Variants in ATP8A1 observed in about 807,000 individuals in gnomAD.
The protein encoded by ATP8A1 is ATPase phospholipid transporting 8A1, also known as phospholipid-transporting ATPase IA.
In ATP8A1, 90 loss-of-function variants were observed where a neutral mutation model predicts 177.7. The ratio of observed to expected loss-of-function variants is 0.51; its 90% CI spans 0.43 to 0.60. The LOEUF is 0.60. Ranked by LOEUF, ATP8A1 falls within the 20% of genes least tolerant of loss-of-function variation. The pLI is 0.00. For missense variants in ATP8A1, 1,072 were observed against 1,392.8 expected, an observed-to-expected ratio of 0.77 and a Z score of 3.67; for synonymous variants, 493 against 485.9, an observed-to-expected ratio of 1.01 and a Z score of -0.19.
rs370455582 is a variant in ATP8A1 at position 42,586,502 on chromosome 4, A to G, written c.595-26T>C. 4.4e-6 allele frequency: 7 copies of G among 1,607,274 alleles called. No individual in the cohort carries two copies. In the South Asian group the frequency reaches 7.8e-5, roughly 18 times the overall value. On this transcript the variant is annotated intron_variant, in intron 8 of 36. Coordinates refer to ENST00000381668, the MANE Select transcript of ATP8A1 (RefSeq NM_006095.2). The stretch of plus-strand genomic sequence containing the variant: ...CTGTTTGGAATTTTTAAATAAGCAA[A>G]AAGTATATTAAATAAGTTGTATCTG...
intron 35 of ATP8A1, among the ~76,000 whole-genome samples, chr4:42,419,362 A>G (rs553197143): frequency 1.3e-3 from 203 of 152,272 alleles, no homozygotes; most frequent in South Asian, 4.4e-3. Context: ...TAGTAGGGGG[A>G]AAATAAAAAC....
At chr4:42,496,126 T>C (rs1723245532) in intron 24 of ATP8A1, among the ~76,000 whole-genome samples, 1 of 152,174 alleles carries the variant, frequency 6.6e-6, no homozygotes, top group Admixed American at 6.6e-5. Context: ...AAATAAGTGC[T>C]TGCGAGGCAT....
intron 22 of ATP8A1, among the ~76,000 whole-genome samples, chr4:42,517,856 C>T (rs1264075880): frequency 6.6e-6 from 1 of 152,164 alleles, no homozygotes; most frequent in Non-Finnish European, 1.5e-5. Context: ...CCTAAATCCT[C>T]TCATCTCGAG....
chr4:42,567,715 G>A lies in ATP8A1; in HGVS notation c.1340+1446C>T, dbSNP rs374937178. Among the ~76,000 whole-genome samples, 77 of 152,266 alleles carry A rather than the reference G, an allele frequency of 5.1e-4. 1 individual carries two copies. In the South Asian group the frequency reaches 0.011, roughly 21 times the overall value. On this transcript the variant is annotated intron_variant, in intron 15 of 36. Transcript: ENST00000381668. Reference sequence around the variant, plus strand: ...GTTTAGAATATCAAGTTTTCCAAAAGGGTGTTTTACAAAAAGAACTTACTA... The same window carrying A: ...GTTTAGAATATCAAGTTTTCCAAAAAGGTGTTTTACAAAAAGAACTTACTA...
At chr4:42,445,608 C>T (rs951775789) in intron 31 of ATP8A1, among the ~76,000 whole-genome samples, 6 of 152,154 alleles carry the variant, frequency 3.9e-5, no homozygotes, top group African/African-American at 1.4e-4. Flanking sequence ...TACTTTAAGG[C>T]ACATTAAGGG....
rs375097074 is a variant in ATP8A1 at position 42,555,143 on chromosome 4, T to A, written c.1413+825A>T. On this transcript the variant is annotated intron_variant, in intron 16 of 36. Transcript: ENST00000381668. Reference sequence around the variant, plus strand: ...TATCTATCTATCTATCTATCTAATCTATCTATCTATCTATCTATCTATCTA... The same window carrying A: ...TATCTATCTATCTATCTATCTAATCAATCTATCTATCTATCTATCTATCTA... 4.0e-4 allele frequency among the ~76,000 whole-genome samples: 26 copies of A among 64,842 alleles called. No homozygotes were observed. In the East Asian group the frequency reaches 9.5e-3, roughly 24 times the overall value. 42.5% of individuals were successfully genotyped at this position (64,842 alleles called of 152,430 possible). A position where few individuals can be genotyped will look rare whatever the true frequency, so the allele number is the denominator to read the frequency against.
At chr4:42,542,285 T>A (rs1728471474) in intron 20 of ATP8A1, among the ~76,000 whole-genome samples, 1 of 152,120 alleles carries the variant, frequency 6.6e-6, no homozygotes, top group African/African-American at 2.4e-5. Context: ...AGTCCATCAT[T>A]TTTTATTTTT....
chr4:42,600,502 A>G lies in ATP8A1; in HGVS notation c.426T>C (p.Ala142=). The change falls in exon 6 of 37, where the codon GCT becomes GCC. Residue 142 remains alanine, a synonymous_variant. Coordinates refer to ENST00000381668, the MANE Select transcript of ATP8A1 (RefSeq NM_006095.2). The part of the protein sequence containing the change: ...KKQTQVLRNG[A]WEIVHWEKVA... ...CCTTTTCCCAGTGGACAATTTCCCAAGCACCATTTCTCAAAACTGGAAAGA... is the reference window on the plus strand; with the variant it reads ...CCTTTTCCCAGTGGACAATTTCCCAGGCACCATTTCTCAAAACTGGAAAGA... 1 of 1,610,118 alleles carries G rather than the reference A, an allele frequency of 6.2e-7. No homozygotes were observed. The highest frequency in any genetic ancestry group is 8.5e-7 in the Non-Finnish European group (1 of 1,178,648).
At chr4:42,580,300 A>G (rs879452669) in intron 10 of ATP8A1, among the ~76,000 whole-genome samples, 1 of 152,198 alleles carries the variant, frequency 6.6e-6, no homozygotes, top group Non-Finnish European at 1.5e-5. Context: ...TATGTAAGCA[A>G]ACAGGGTAGT....
intron 5 of ATP8A1, among the ~76,000 whole-genome samples, chr4:42,614,698 C>G (rs1459375230): frequency 2.0e-5 from 3 of 152,204 alleles, no homozygotes; most frequent in African/African-American, 7.2e-5. Flanking sequence ...AATTCAACCT[C>G]AGCCTACCTT....
At chr4:42,556,074 C>T (rs768686879) in intron 15 of ATP8A1, 34 bp from the exon 16 acceptor site, 1 of 1,449,338 alleles carries the variant, frequency 6.9e-7, no homozygotes, top group South Asian at 1.2e-5. Context: ...AAACCCAGTT[C>T]ATTTATACCA....
At chr4:42,655,160 C>A (rs1003039995) in intron 1 of ATP8A1, among the ~76,000 whole-genome samples, 1 of 152,206 alleles carries the variant, frequency 6.6e-6, no homozygotes, top group African/African-American at 2.4e-5. Context: ...GCTCTTAATC[C>A]AAATGTGTCA....
chr4:42,440,341 T>G (rs1716489310), intron 33 of ATP8A1, among the ~76,000 whole-genome samples: 1 of 151,742 alleles, frequency 6.6e-6, no homozygotes, highest in Non-Finnish European at 1.5e-5. Flanking sequence ...TCCAGTTTTT[T>G]TTTTTTTTTT....
intron 20 of ATP8A1, among the ~76,000 whole-genome samples, chr4:42,540,087 C>T (rs1048504212): frequency 4.6e-5 from 7 of 151,924 alleles, no homozygotes; most frequent in African/African-American, 1.7e-4. Flanking sequence ...ACTGAAACAA[C>T]AGGCAACAAA....
intron 33 of ATP8A1, 77 bp downstream of exon 33, chr4:42,443,488 T>C (rs754038062): frequency 1.1e-5 from 7 of 662,524 alleles, no homozygotes; most frequent in Non-Finnish European, 1.7e-5. Context: ...TGGAAAATTA[T>C]GCTAAACGAT....
Position 42,412,705 on chromosome 4 carries a change from C to T in ATP8A1, c.*211G>A. On this transcript the variant is annotated 3_prime_UTR_variant, in exon 37 of 37. Transcript: ENST00000381668. ...TCCGTTTACAAAGACTTAGCAAATA[C>T]CTTAAAAAAATCCAAAAGAGATGGT... The T allele has an allele frequency of 4.5e-6, 2 of 448,222 alleles. No individual in the cohort carries two copies. Among genetic ancestry groups the T allele is most frequent in the South Asian group, 4.1e-5 (1 of 24,372 alleles). 27.8% of individuals were successfully genotyped at this position (448,222 alleles called of 1,614,324 possible). A position where few individuals can be genotyped will look rare whatever the true frequency, so the allele number is the denominator to read the frequency against.
At chr4:42,492,985 A>G (rs1444097652) in intron 24 of ATP8A1, among the ~76,000 whole-genome samples, 1 of 152,228 alleles carries the variant, frequency 6.6e-6, no homozygotes, top group African/African-American at 2.4e-5. Flanking sequence ...TGGTGACTCT[A>G]CTGAAACGAG....
intron 35 of ATP8A1, chr4:42,415,270 G>A (rs944231749): frequency 1.2e-4 from 18 of 151,988 alleles, no homozygotes; most frequent in African/African-American, 3.6e-4. Flanking sequence ...CACTAATATG[G>A]TATGACATGT....
intron 14 of ATP8A1, among the ~76,000 whole-genome samples, chr4:42,572,097 G>C (rs1731963297): frequency 6.6e-6 from 1 of 152,124 alleles, no homozygotes; most frequent in Non-Finnish European, 1.5e-5. Context: ...GGCAAAATCA[G>C]CTCTGCACTT....
Sources: gnomAD v4.1 joint callset for allele counts (sites outside exome capture counted in the v4.1 genomes callset) on GRCh38, gnomAD v4.1.1 for gene constraint, MANE v1.5 for transcripts, NCBI Gene and HGNC (gene_info 2026-07-23, HGNC 2026-07-21) for gene names.